PHC2: variants seen among roughly 807,000 people sequenced by gnomAD.
PHC2 encodes the protein polyhomeotic-like protein 2.
Under a neutral mutation model 87.4 loss-of-function variants are expected in PHC2, and 29 were observed. The observed-to-expected ratio is 0.33, with a 90% CI of 0.25 to 0.45. The LOEUF is 0.45. Among genes scored for constraint, PHC2 ranks in the 20% least tolerant of loss-of-function variants. The pLI is 1.00. For missense variants in PHC2, 857 were observed against 1,136.7 expected (o/e 0.75, Z 3.54); for synonymous variants, 438 against 461.7 (o/e 0.95, Z 0.66).
chr1:33,384,308 G>C (rs975693794), intron 1 of PHC2, among the ~76,000 whole-genome samples: 1 of 152,168 alleles, frequency 6.6e-6, no homozygotes, highest in Non-Finnish European at 1.5e-5. Flanking sequence ...TGAAGCATGA[G>C]AGCCACTGCT....
At position 33,330,063 on chromosome 1, in the gene PHC2, C is replaced by A. The variant is rs781238901; in HGVS notation, c.2148+8G>T. The A allele has an allele frequency of 1.2e-6, 2 of 1,612,866 alleles. No individual in the cohort carries two copies. Among genetic ancestry groups the A allele is most frequent in the African/African-American group, 1.3e-5 (1 of 74,920 alleles). On this transcript the variant is annotated splice_region_variant and intron_variant, in intron 13 of 14. Transcript: ENST00000683057. ...GGGATGGAGCTTCAGGCTCTGCCCGCCTCTTACCTGCTTCTTGGTATCCTT... is the reference window on the plus strand; with the variant it reads ...GGGATGGAGCTTCAGGCTCTGCCCGACTCTTACCTGCTTCTTGGTATCCTT...
At chr1:33,361,482 A>C (rs1228967008) in intron 7 of PHC2, among the ~76,000 whole-genome samples, 1 of 152,182 alleles carries the variant, frequency 6.6e-6, no homozygotes, top group Non-Finnish European at 1.5e-5. Flanking sequence ...CTAGGATTAC[A>C]GGCATGAGCC....
At chr1:33,426,836 T>C (rs573715338) in intron 1 of PHC2, among the ~76,000 whole-genome samples, 2 of 152,302 alleles carry the variant, frequency 1.3e-5, no homozygotes, top group East Asian at 1.9e-4. Flanking sequence ...CAGGAGGTAG[T>C]ACAGATACCT....
At chr1:33,335,255 C>T (rs1157043220) in intron 9 of PHC2, 1 of 982,742 alleles carries the variant, frequency 1.0e-6, no homozygotes, top group African/African-American at 1.7e-5. Context: ...ACGTGCAAGA[C>T]TTCATCTCCT....
chr1:33,414,592 C>G (rs1650127868), intron 1 of PHC2, among the ~76,000 whole-genome samples: 2 of 152,292 alleles, frequency 1.3e-5, no homozygotes, highest in South Asian at 4.1e-4. Context: ...CTCTGTACAA[C>G]CATGGATCTG....
chr1:33,349,700 C>T lies in PHC2; in HGVS notation c.1558+4701G>A. ...GGGCCCGGGCGGGCCGCCTCCTCTCCGCCGGGAGCCTCCGAGCCGGGGCCC... is the reference window on the plus strand; with the variant it reads ...GGGCCCGGGCGGGCCGCCTCCTCTCTGCCGGGAGCCTCCGAGCCGGGGCCC... On this transcript the variant is annotated intron_variant, in intron 9 of 14. Coordinates refer to ENST00000683057, the MANE Select transcript of PHC2 (RefSeq NM_001385109.1). This position sits in a 1 kb window ranked among gnomAD's most constrained non-coding sequence, Gnocchi z 4.2. 1.0e-6 allele frequency: 1 copy of T among 991,864 alleles called. No individual in the cohort carries two copies. Among genetic ancestry groups the T allele is most frequent in the Non-Finnish European group, 1.2e-6 (1 of 834,110 alleles). The allele number at this position is 991,864 out of a possible 1,614,324, so 61.4% of individuals were successfully genotyped here. A position where few individuals can be genotyped will look rare whatever the true frequency, so the allele number is the denominator to read the frequency against.
At chr1:33,356,949 A>C (rs1356874218) in intron 7 of PHC2, among the ~76,000 whole-genome samples, 1 of 152,180 alleles carries the variant, frequency 6.6e-6, no homozygotes, top group Non-Finnish European at 1.5e-5. Context: ...GGACGGGGCG[A>C]AAATTCTTAT....
chr1:33,355,352 C>T, intron 7 of PHC2, 99 bp from the exon 8 acceptor site: 1 of 1,085,094 alleles, frequency 9.2e-7, no homozygotes, highest in Non-Finnish European at 1.3e-6. Context: ...AAATGGCTTC[C>T]CAAATTCAAT....
intron 1 of PHC2, among the ~76,000 whole-genome samples, chr1:33,420,815 T>C (rs908013837): frequency 2.6e-5 from 4 of 152,058 alleles, no homozygotes; most frequent in African/African-American, 7.2e-5. Context: ...CTTGCCACGT[T>C]GCCCAGATTA....
At chr1:33,410,285 T>G (rs1169526726) in intron 1 of PHC2, among the ~76,000 whole-genome samples, 2 of 152,220 alleles carry the variant, frequency 1.3e-5, no homozygotes, top group African/African-American at 4.8e-5. Flanking sequence ...CTGCTTTTCC[T>G]TGGAGAGCAG....
intron 1 of PHC2, among the ~76,000 whole-genome samples, chr1:33,394,767 G>T (rs998504453): frequency 6.6e-6 from 1 of 152,214 alleles, no homozygotes; most frequent in Admixed American, 6.5e-5. Flanking sequence ...ATGGCGTCTT[G>T]CTTTCCTGCC....
In PHC2 at chr1:33,375,567, C is replaced by A; in HGVS notation, c.-28G>T. Reference sequence around the variant, plus strand: ...CCTGCAGTGTGGCGCAGTCAGGGCGCTCGGATGGCAGAAGGGCAGGCAGAT... The same window carrying A: ...CCTGCAGTGTGGCGCAGTCAGGGCGATCGGATGGCAGAAGGGCAGGCAGAT... On this transcript the variant is annotated 5_prime_UTR_variant, in exon 2 of 15. Coordinates refer to ENST00000683057, the MANE Select transcript of PHC2 (RefSeq NM_001385109.1). The A allele has an allele frequency of 6.8e-7, 1 of 1,460,110 alleles. No homozygotes were observed. Among genetic ancestry groups the A allele is most frequent in the Non-Finnish European group, 9.1e-7 (1 of 1,094,556 alleles). 90.4% of individuals were successfully genotyped at this position (1,460,110 alleles called of 1,614,324 possible).
intron 9 of PHC2, among the ~76,000 whole-genome samples, chr1:33,348,812 T>C (rs1254251735): frequency 6.6e-6 from 1 of 152,068 alleles, no homozygotes; most frequent in Admixed American, 6.5e-5. Flanking sequence ...AAAGGAAAGT[T>C]GTTCAGAACC....
chr1:33,354,634 G>A (rs1647034284), intron 8 of PHC2, 68 bp from the exon 9 acceptor site: 1 of 1,494,538 alleles, frequency 6.7e-7, no homozygotes. Context: ...ATACTTCCCT[G>A]GTTTCCATGG....
intron 1 of PHC2, among the ~76,000 whole-genome samples, chr1:33,400,771 A>G (rs1384063693): frequency 1.3e-5 from 2 of 152,146 alleles, no homozygotes; most frequent in Non-Finnish European, 2.9e-5. Flanking sequence ...TAAGTACAAA[A>G]GCATTAAAGA....
chr1:33,424,097 C>CAAAAAAAAAAAAAAAAA (rs11322060), intron 1 of PHC2, among the ~76,000 whole-genome samples: 1 of 108,736 alleles, frequency 9.2e-6, no homozygotes, highest in African/African-American at 3.7e-5. Context: ...GACTCCGTCT[C>CAAAAAAAAAAAAAAAAA]AAAAAAAAAA....
At chr1:33,405,352 G>A (rs1053049650) in intron 1 of PHC2, among the ~76,000 whole-genome samples, 5 of 151,924 alleles carry the variant, frequency 3.3e-5, no homozygotes, top group Non-Finnish European at 7.4e-5. Context: ...CACCACGCCT[G>A]GCTAATTTTT....
intron 1 of PHC2, among the ~76,000 whole-genome samples, chr1:33,396,698 C>A (rs1337783594): frequency 6.6e-6 from 1 of 152,220 alleles, no homozygotes; most frequent in Non-Finnish European, 1.5e-5. Flanking sequence ...CCAAGGAACC[C>A]TCTGGTATGG....
chr1:33,430,512 G>A (rs1475536326), intron 1 of PHC2, among the ~76,000 whole-genome samples: 3 of 152,068 alleles, frequency 2.0e-5, no homozygotes, highest in East Asian at 3.9e-4. Context: ...CACTCTGCGG[G>A]ACAAGCGGAG....
Sources: gnomAD v4.1 joint callset for allele counts (sites outside exome capture counted in the v4.1 genomes callset) on GRCh38, gnomAD v4.1.1 for gene constraint, Gnocchi (gnomAD v3.1) non-coding constraint, MANE v1.5 for transcripts, NCBI Gene and HGNC (gene_info 2026-07-23, HGNC 2026-07-21) for gene names.